KIF16B: variants seen among roughly 807,000 people sequenced by gnomAD.
KIF16B encodes the protein kinesin family member 16B.
Under a neutral mutation model 156.3 loss-of-function variants are expected in KIF16B, and 98 were observed. The ratio of observed to expected loss-of-function variants is 0.63; its 90% CI spans 0.53 to 0.74. The LOEUF (loss-of-function observed/expected upper bound fraction) is 0.74, where lower values mean the gene tolerates loss of function less well. KIF16B is among the 30% of genes least tolerant of loss of function. KIF16B has a pLI of 0.00. For missense variants in KIF16B, 1,421 were observed against 1,606.5 expected (o/e 0.88, Z 1.97); for synonymous variants, 564 against 583.7 (o/e 0.97, Z 0.49).
rs148347364 is a variant in KIF16B, at chr20:16,544,522, G to A, written c.48-16082C>T. On this transcript the variant is annotated intron_variant, in intron 1 of 25. Coordinates refer to ENST00000354981, the MANE Select transcript of KIF16B (RefSeq NM_024704.5). The stretch of plus-strand genomic sequence containing the variant: ...CTTGGGAGGCTGAGACAGGAGAGTC[G>A]CTTGAACCTGGAAGGCAGAGGTTGC... Among the ~76,000 whole-genome samples, 44 of 138,876 alleles carry A rather than the reference G, an allele frequency of 3.2e-4. No homozygotes were observed. In the East Asian group the frequency reaches 9.2e-3, roughly 29 times the overall value. 91.1% of individuals were successfully genotyped at this position (138,876 alleles called of 152,430 possible).
At chr20:16,410,902 T>C (rs1248615094) in intron 15 of KIF16B, among the ~76,000 whole-genome samples, 4 of 152,098 alleles carry the variant, frequency 2.6e-5, no homozygotes, top group African/African-American at 9.7e-5. Context: ...GCACCCTTAG[T>C]TCCTGTAGGG....
intron 12 of KIF16B, among the ~76,000 whole-genome samples, chr20:16,470,439 G>A (rs116750057): frequency 0.026 from 3,938 of 152,000 alleles, 179 homozygotes; most frequent in African/African-American, 0.088. Context: ...TATGGGCCAG[G>A]AAGTATATGG....
intron 1 of KIF16B, among the ~76,000 whole-genome samples, chr20:16,567,194 G>A (rs1013221066): frequency 6.6e-6 from 1 of 152,164 alleles, no homozygotes; most frequent in Non-Finnish European, 1.5e-5. Flanking sequence ...TTCTGAATAA[G>A]AGACCTCCTT....
intron 23 of KIF16B, among the ~76,000 whole-genome samples, chr20:16,349,959 T>C (rs771263204): frequency 9.9e-5 from 15 of 152,200 alleles, no homozygotes; most frequent in Non-Finnish European, 1.8e-4. Context: ...TTGATAATTA[T>C]TAGCAGATGG....
chr20:16,382,867 C>G (rs1002542528), intron 17 of KIF16B, among the ~76,000 whole-genome samples: 12 of 151,810 alleles, frequency 7.9e-5, no homozygotes, highest in Admixed American at 6.6e-4. Context: ...AAATCTTCTT[C>G]CTCGAATAAT....
intron 12 of KIF16B, among the ~76,000 whole-genome samples, chr20:16,459,916 T>C (rs1568559568): frequency 6.6e-6 from 1 of 152,198 alleles, no homozygotes; most frequent in Non-Finnish European, 1.5e-5. Flanking sequence ...TCTAGATACA[T>C]GAAACTGTCA....
chr20:16,381,760 A>T lies in KIF16B; in HGVS notation c.1785-13T>A. 2 of 1,603,616 alleles carry T rather than the reference A, an allele frequency of 1.2e-6. No homozygotes were observed. Among genetic ancestry groups the T allele is most frequent in the Non-Finnish European group, 1.7e-6 (2 of 1,172,290 alleles). Reference sequence around the variant, plus strand: ...CTCAAATTCAAGTCTAATAAAATCAAATGAAAATGAGTCACTTTTCTAAAG... The same window carrying T: ...CTCAAATTCAAGTCTAATAAAATCATATGAAAATGAGTCACTTTTCTAAAG... On this transcript the variant is annotated splice_polypyrimidine_tract_variant and intron_variant, in intron 17 of 25. Transcript: ENST00000354981.
chr20:16,481,341 G>A (rs944122152), intron 12 of KIF16B, among the ~76,000 whole-genome samples: 6 of 152,122 alleles, frequency 3.9e-5, no homozygotes, highest in Admixed American at 3.3e-4. Flanking sequence ...GACTACAGGC[G>A]TATGCCACCT....
chr20:16,295,592 A>G (rs1177780211), intron 25 of KIF16B, among the ~76,000 whole-genome samples: 4 of 151,484 alleles, frequency 2.6e-5, no homozygotes, highest in Non-Finnish European at 5.9e-5. Context: ...TTAATAATAT[A>G]TCATTATACA....
intron 24 of KIF16B, among the ~76,000 whole-genome samples, chr20:16,322,109 C>T (rs990217324): frequency 1.6e-4 from 24 of 151,836 alleles, no homozygotes; most frequent in African/African-American, 5.8e-4. Flanking sequence ...CTAAGAAAAG[C>T]ATAATGGCAA....
intron 1 of KIF16B, among the ~76,000 whole-genome samples, chr20:16,560,702 T>C (rs1369428508): frequency 1.3e-5 from 2 of 151,794 alleles, no homozygotes; most frequent in African/African-American, 2.4e-5. Context: ...GGAGGATCGC[T>C]TGGGCCTGGG....
chr20:16,420,551 G>A (rs1275002637), intron 15 of KIF16B, among the ~76,000 whole-genome samples: 1 of 152,164 alleles, frequency 6.6e-6, no homozygotes, highest in Non-Finnish European at 1.5e-5. Flanking sequence ...GCTGCTGGTA[G>A]TGTAAGGTGG....
intron 25 of KIF16B, among the ~76,000 whole-genome samples, chr20:16,299,926 AAAT>A (rs1028342278): frequency 3.3e-5 from 5 of 152,208 alleles, no homozygotes; most frequent in African/African-American, 1.2e-4. Flanking sequence ...AGAATATCGC[AAAT>A]AATACTACAA....
chr20:16,296,195 A>T (rs1396297208), intron 25 of KIF16B, among the ~76,000 whole-genome samples: 1 of 152,232 alleles, frequency 6.6e-6, no homozygotes, highest in Non-Finnish European at 1.5e-5. Flanking sequence ...CTGTCTTCGA[A>T]CAAGGCAGGC....
At chr20:16,356,247 C>T in intron 23 of KIF16B, 83 bp downstream of exon 23, 16 of 1,536,256 alleles carry the variant, frequency 1.0e-5, no homozygotes, top group Non-Finnish European at 1.4e-5. Context: ...GCAGCTTCAT[C>T]CCCCTTTTGA....
chr20:16,386,737 G>A (rs2065239736), intron 17 of KIF16B, among the ~76,000 whole-genome samples: 1 of 152,012 alleles, frequency 6.6e-6, no homozygotes, highest in Admixed American at 6.6e-5. Context: ...CGCCATAGCT[G>A]AGAGCAAGGG....
Position 16,379,187 on chromosome 20 carries a change from C to A in KIF16B, c.2815G>T (p.Asp939Tyr). The part of the protein sequence containing the change: ...EILDRGPLSL[D>Y]NTLYQVEKEM... ...TTTTCTACTTGATAAAGAGTGTTGT[C>A]TAAGCTGAGAGGGCCTCTGTCAAGA... The change falls in exon 19 of 26, where the codon GAC becomes TAC. Residue 939 changes from aspartate to tyrosine, a missense_variant. Asp to Tyr is a radical substitution (Grantham distance 160). Transcript: ENST00000354981. 5 of 1,614,178 alleles carry A rather than the reference C, an allele frequency of 3.1e-6. No homozygotes were observed. Among genetic ancestry groups the A allele is most frequent in the Non-Finnish European group, 4.2e-6 (5 of 1,180,030 alleles).
intron 19 of KIF16B, 31 bp downstream of exon 19, chr20:16,378,774 T>A (rs1191143709): frequency 6.4e-7 from 1 of 1,550,964 alleles, no homozygotes; most frequent in South Asian, 1.3e-5. Context: ...TGGCACCCAC[T>A]GTATGCCACA....
intron 15 of KIF16B, among the ~76,000 whole-genome samples, chr20:16,409,727 A>G (rs1600317514): frequency 6.6e-6 from 1 of 151,754 alleles, no homozygotes; most frequent in East Asian, 2.0e-4. Flanking sequence ...GACGGGGGTG[A>G]GGAAGATGGC....
Sources: allele counts gnomAD v4.1 joint callset (sites outside exome capture counted in the v4.1 genomes callset), GRCh38; gene constraint gnomAD v4.1.1; transcripts MANE v1.5; gene names NCBI Gene and HGNC (gene_info 2026-07-23, HGNC 2026-07-21).